Variants in ADAD1 observed in about 807,000 individuals in gnomAD.
ADAD1 encodes adenosine deaminase domain containing 1.
ADAD1 carries 46 observed loss-of-function variants against 66.8 expected under a neutral mutation model. The ratio of observed to expected loss-of-function variants is 0.69; its 90% CI spans 0.54 to 0.88. ADAD1 has a LOEUF of 0.88. Ranked by LOEUF, ADAD1 falls within the 40% of genes least tolerant of loss-of-function variation. ADAD1 has a pLI of 0.00. For synonymous variants in ADAD1, 248 were observed against 229.4 expected, an observed-to-expected ratio of 1.08 and a Z score of -0.73; for missense variants, 617 against 681.8, an observed-to-expected ratio of 0.91 and a Z score of 1.06.
intron 7 of ADAD1, among the ~76,000 whole-genome samples, chr4:122,404,069 G>A (rs550769850): frequency 2.6e-5 from 4 of 152,122 alleles, no homozygotes; most frequent in Non-Finnish European, 4.4e-5. Context: ...AGCAGGCAGC[G>A]CTGAGATCTT....
chr4:122,394,622 G>A (rs929071575), intron 6 of ADAD1, among the ~76,000 whole-genome samples: 1 of 152,174 alleles, frequency 6.6e-6, no homozygotes, highest in Non-Finnish European at 1.5e-5. Flanking sequence ...TATAGTGTGT[G>A]GCCTAACAGT....
chr4:122,395,447 C>T (rs1795660511), intron 6 of ADAD1, among the ~76,000 whole-genome samples: 1 of 151,994 alleles, frequency 6.6e-6, no homozygotes, highest in South Asian at 2.1e-4. Flanking sequence ...CTTTGTGAGG[C>T]CAAGGCGGGT....
chr4:122,399,965 CCTCTTT>C (rs1319644842), intron 7 of ADAD1, among the ~76,000 whole-genome samples: 1 of 151,878 alleles, frequency 6.6e-6, no homozygotes, highest in Non-Finnish European at 1.5e-5. Context: ...AGTTTGACTC[CCTCTTT>C]ACTGATGTGG....
chr4:122,407,579 G>A (rs1391771747), intron 7 of ADAD1, among the ~76,000 whole-genome samples: 1 of 152,198 alleles, frequency 6.6e-6, no homozygotes, highest in African/African-American at 2.4e-5. Flanking sequence ...AAGTGTCTTA[G>A]AAGATCAAAT....
intron 12 of ADAD1, among the ~76,000 whole-genome samples, chr4:122,428,434 G>A (rs998610961): frequency 2.0e-5 from 3 of 152,072 alleles, no homozygotes; most frequent in Non-Finnish European, 2.9e-5. Context: ...CAATTCCACC[G>A]GTATTTACAT....
intron 10 of ADAD1, among the ~76,000 whole-genome samples, chr4:122,413,547 G>A (rs1008295239): frequency 7.9e-5 from 12 of 151,852 alleles, no homozygotes; most frequent in Non-Finnish European, 1.0e-4. Context: ...TTCTGCTTAA[G>A]TACTTCAAAA....
chr4:122,409,340 T>G (rs191188248), intron 8 of ADAD1, among the ~76,000 whole-genome samples: 163 of 152,338 alleles, frequency 1.1e-3, no homozygotes, highest in African/African-American at 3.7e-3. Flanking sequence ...TTTTTAATTC[T>G]TCTTTATTCC....
intron 8 of ADAD1, among the ~76,000 whole-genome samples, chr4:122,408,770 C>G (rs534129077): frequency 1.3e-5 from 2 of 151,912 alleles, no homozygotes; most frequent in African/African-American, 4.8e-5. Flanking sequence ...GTAGTCCCAT[C>G]TACTTTGGAG....
At chr4:122,421,443 T>A in intron 12 of ADAD1, 53 bp downstream of exon 12, 1 of 1,388,310 alleles carries the variant, frequency 7.2e-7, no homozygotes, top group Non-Finnish European at 9.5e-7. Context: ...AAGACATTAA[T>A]GTGGTCATTT....
intron 7 of ADAD1, among the ~76,000 whole-genome samples, chr4:122,406,541 T>C (rs189745310): frequency 6.2e-4 from 94 of 152,336 alleles, no homozygotes; most frequent in Non-Finnish European, 1.2e-3. Context: ...TTATTTTGTT[T>C]GCTTTGTAGG....
intron 12 of ADAD1, among the ~76,000 whole-genome samples, chr4:122,424,519 A>C (rs1369409986): frequency 6.6e-6 from 1 of 152,192 alleles, no homozygotes; most frequent in Admixed American, 6.5e-5. Context: ...TCTGAAATCA[A>C]ATATGTAAGG....
intron 4 of ADAD1, among the ~76,000 whole-genome samples, chr4:122,382,416 C>T (rs923582733): frequency 1.3e-5 from 2 of 152,170 alleles, no homozygotes; most frequent in Non-Finnish European, 1.5e-5. Flanking sequence ...AAAGGCTCCG[C>T]ATTCTGACAC....
chr4:122,421,489 C>G, intron 12 of ADAD1, 99 bp downstream of exon 12: 1 of 1,127,524 alleles, frequency 8.9e-7, no homozygotes, highest in Non-Finnish European at 1.2e-6. Context: ...TTGTTGAATA[C>G]TTCCTGAATA....
chr4:122,398,365 T>A (rs947424314), intron 7 of ADAD1, among the ~76,000 whole-genome samples: 1 of 152,098 alleles, frequency 6.6e-6, no homozygotes, highest in Non-Finnish European at 1.5e-5. Context: ...ACAATTTCTT[T>A]ATCCACTCAT....
At chr4:122,414,274 TTGG>T (rs1796615404) in intron 10 of ADAD1, among the ~76,000 whole-genome samples, 2 of 106,194 alleles carry the variant, frequency 1.9e-5, no homozygotes, top group African/African-American at 3.1e-5. Context: ...GTCTTTTTTT[TTGG>T]GGGGGGGGGT....
At chr4:122,414,668 G>C (rs571892785) in intron 10 of ADAD1, among the ~76,000 whole-genome samples, 1 of 152,076 alleles carries the variant, frequency 6.6e-6, no homozygotes, top group Admixed American at 6.6e-5. Context: ...CAAAGATTCT[G>C]TTGTTGCAAG....
intron 9 of ADAD1, among the ~76,000 whole-genome samples, chr4:122,411,802 A>G (rs1240053713): frequency 1.3e-5 from 2 of 152,110 alleles, no homozygotes; most frequent in South Asian, 2.1e-4. Flanking sequence ...GATAAGCAAC[A>G]CTCAACCTGT....
intron 11 of ADAD1, among the ~76,000 whole-genome samples, chr4:122,419,756 C>T (rs1280383174): frequency 6.6e-6 from 1 of 152,050 alleles, no homozygotes; most frequent in Admixed American, 6.6e-5. Context: ...ACTAATGTGT[C>T]ATATTAATTA....
chr4:122,389,152 A>T (rs1243043879), intron 5 of ADAD1, among the ~76,000 whole-genome samples: 1 of 152,208 alleles, frequency 6.6e-6, no homozygotes, highest in Non-Finnish European at 1.5e-5. Flanking sequence ...ACAGTTGTTC[A>T]ATTTCCAATA....
Sources: allele counts gnomAD v4.1 joint callset (sites outside exome capture counted in the v4.1 genomes callset), GRCh38; gene constraint gnomAD v4.1.1; transcripts MANE v1.5; gene names NCBI Gene and HGNC (gene_info 2026-07-23, HGNC 2026-07-21).